The following CNIH3 variants were observed in gnomAD, a reference collection of about 807,000 sequenced individuals.
CNIH3 encodes protein cornichon homolog 3.
A neutral mutation model predicts 24.1 loss-of-function variants in CNIH3; 14 were observed. The observed-to-expected ratio is 0.58, with a 90% CI of 0.38 to 0.91. The LOEUF (loss-of-function observed/expected upper bound fraction) is 0.91. CNIH3 is among the 40% of genes least tolerant of loss of function. The pLI is 0.00. For missense variants in CNIH3, 178 were observed against 196.8 expected (o/e 0.90, Z 0.57); for synonymous variants, 68 against 73.8 (o/e 0.92, Z 0.40).
intron 1 of CNIH3, among the ~76,000 whole-genome samples, chr1:224,679,069 A>G (rs1686272938): frequency 6.6e-6 from 1 of 152,226 alleles, no homozygotes; most frequent in Non-Finnish European, 1.5e-5. Context: ...ATTTTAATAT[A>G]AGCTTCACAT....
intron 1 of CNIH3, among the ~76,000 whole-genome samples, chr1:224,625,824 A>T (rs1401926492): frequency 6.6e-6 from 1 of 152,228 alleles, no homozygotes; most frequent in Non-Finnish European, 1.5e-5. Context: ...GTCTATGCCC[A>T]AAAGCAGAGG....
intron 1 of CNIH3, among the ~76,000 whole-genome samples, chr1:224,519,205 G>T (rs1028326234): frequency 3.9e-5 from 6 of 152,202 alleles, no homozygotes; most frequent in African/African-American, 1.4e-4. Flanking sequence ...AGGTTTAATT[G>T]ACTCACAGCA....
intron 2 of CNIH3, among the ~76,000 whole-genome samples, chr1:224,523,625 C>T (rs966165412): frequency 6.6e-6 from 1 of 152,150 alleles, no homozygotes; most frequent in Non-Finnish European, 1.5e-5. Context: ...GCGATGGTTA[C>T]ACAGAGGTGC....
intron 1 of CNIH3, among the ~76,000 whole-genome samples, chr1:224,442,341 C>T (rs1276918376): frequency 6.6e-6 from 1 of 152,088 alleles, no homozygotes; most frequent in Non-Finnish European, 1.5e-5. Flanking sequence ...ATAACAGTAG[C>T]CTTTCTCTAT....
At position 224,718,665 on chromosome 1, in the gene CNIH3, G is replaced by A. The variant is rs185076456; in HGVS notation, c.199-11797G>A. Among the ~76,000 whole-genome samples, 72 of 152,238 alleles carry A rather than the reference G, an allele frequency of 4.7e-4. 1 individual carries two copies. Among genetic ancestry groups the A allele is most frequent in the Admixed American group, 3.4e-3 (52 of 15,300 alleles). On this transcript the variant is annotated intron_variant, in intron 3 of 5. Coordinates refer to ENST00000272133, the MANE Select transcript of CNIH3 (RefSeq NM_152495.2). ...GGCTCTGGTGGGAGGAGGCAGGGAC[G>A]GGGGATGAGAGGAGGAGGAAGAGGT... is the stretch of plus-strand genomic sequence containing the variant.
intron 3 of CNIH3, among the ~76,000 whole-genome samples, chr1:224,553,281 T>C (rs1159023803): frequency 2.0e-5 from 3 of 150,790 alleles, no homozygotes; most frequent in African/African-American, 4.9e-5. Context: ...TTACAAATAA[T>C]ATCACAGGGT....
chr1:224,688,749 T>A (rs938364833), intron 3 of CNIH3, among the ~76,000 whole-genome samples: 1 of 151,982 alleles, frequency 6.6e-6, no homozygotes, highest in African/African-American at 2.4e-5. Flanking sequence ...GTGACCAGCC[T>A]GGCCAACATG....
chr1:224,522,999 C>A (rs1416728213), intron 2 of CNIH3, among the ~76,000 whole-genome samples: 1 of 152,140 alleles, frequency 6.6e-6, no homozygotes, highest in Non-Finnish European at 1.5e-5. Context: ...TTTGGGGAAC[C>A]TGAGGCAGGA....
At chr1:224,739,295 CTTTTTTTTTTT>C (rs11342205) in intron 5 of CNIH3, 23 bp from the exon 6 acceptor site, 63 of 1,342,454 alleles carry the variant, frequency 4.7e-5, no homozygotes, top group East Asian at 2.9e-4. Context: ...ACCTTCCTCT[CTTTTTTTTTTT>C]TTTTTTTTTT....
chr1:224,546,479 G>A (rs1679709163), intron 2 of CNIH3, among the ~76,000 whole-genome samples: 1 of 152,138 alleles, frequency 6.6e-6, no homozygotes, highest in South Asian at 2.1e-4. Flanking sequence ...ACCTGGAGGG[G>A]GTAATGAATG....
At chr1:224,680,120 CT>C (rs543928427) in intron 1 of CNIH3, among the ~76,000 whole-genome samples, 24 of 152,280 alleles carry the variant, frequency 1.6e-4, no homozygotes, top group African/African-American at 5.5e-4. Context: ...AAAGGAGAGA[CT>C]TTACTGGGAG....
intron 1 of CNIH3, among the ~76,000 whole-genome samples, chr1:224,443,711 A>ATTTTT (rs56248229): frequency 8.0e-5 from 12 of 149,534 alleles, no homozygotes; most frequent in African/African-American, 2.0e-4. Flanking sequence ...ATATATATAT[A>ATTTTT]TTTTTTTAGG....
chr1:224,640,728 G>A (rs567860224), intron 1 of CNIH3, among the ~76,000 whole-genome samples: 33 of 152,154 alleles, frequency 2.2e-4, no homozygotes, highest in Non-Finnish European at 4.4e-4. Flanking sequence ...GGGTGTCATG[G>A]CAGAGCCAAA....
At chr1:224,563,567 G>A (rs1680464254) in intron 3 of CNIH3, among the ~76,000 whole-genome samples, 1 of 151,504 alleles carries the variant, frequency 6.6e-6, no homozygotes, top group South Asian at 2.1e-4. Flanking sequence ...AGAGATATTG[G>A]AATTAGAAAG....
intron 1 of CNIH3, among the ~76,000 whole-genome samples, chr1:224,637,338 C>T (rs1684139372): frequency 6.6e-6 from 1 of 152,136 alleles, no homozygotes; most frequent in Non-Finnish European, 1.5e-5. Flanking sequence ...AGTTGTGAGA[C>T]AGGCAATGTG....
At chr1:224,521,665 T>G (rs1678638878) in intron 2 of CNIH3, 1 of 152,204 alleles carries the variant, frequency 6.6e-6, no homozygotes, top group East Asian at 1.9e-4. Context: ...CCTGCCTACC[T>G]ACCTGAATGA....
chr1:224,491,009 T>G (rs776378078), intron 1 of CNIH3, among the ~76,000 whole-genome samples: 3 of 152,250 alleles, frequency 2.0e-5, no homozygotes, highest in Non-Finnish European at 4.4e-5. Context: ...GTATGGCCAC[T>G]GGGATTGGCC....
At chr1:224,547,616 G>A (rs545256556) in intron 3 of CNIH3, among the ~76,000 whole-genome samples, 40 of 151,750 alleles carry the variant, frequency 2.6e-4, no homozygotes, top group Middle Eastern at 3.4e-3. Context: ...ATCACAGTGC[G>A]TGTACACCCC....
At chr1:224,718,775 G>A (rs369873560) in intron 3 of CNIH3, among the ~76,000 whole-genome samples, 2 of 152,090 alleles carry the variant, frequency 1.3e-5, no homozygotes, top group Admixed American at 6.6e-5. Flanking sequence ...CCTGGGACTC[G>A]TGGCAGTTTG....
Sources: gnomAD v4.1 joint callset for allele counts (sites outside exome capture counted in the v4.1 genomes callset) on GRCh38, gnomAD v4.1.1 for gene constraint, MANE v1.5 for transcripts, NCBI Gene and HGNC (gene_info 2026-07-23, HGNC 2026-07-21) for gene names.